KLRG1: variants seen among roughly 807,000 people sequenced by gnomAD.
KLRG1 encodes killer cell lectin like receptor G1.
KLRG1 carries 16 observed loss-of-function variants against 21.8 expected under a neutral mutation model. The observed-to-expected ratio is 0.73, with a 90% CI of 0.50 to 1.11. The LOEUF is 1.11. Ranked by LOEUF, KLRG1 falls within the 50% of genes most tolerant of loss-of-function variation. KLRG1 has a pLI of 0.00. For synonymous variants in KLRG1, 69 were observed against 75.9 expected, an observed-to-expected ratio of 0.91 and a Z score of 0.47; for missense variants, 173 against 218.3, an observed-to-expected ratio of 0.79 and a Z score of 1.31.
chr12:9,169,888 C>T, the KLRG1 span: 6 of 212,982 alleles, frequency 2.8e-5, no homozygotes, highest in Non-Finnish European at 4.6e-5. Context: ...AGAAAGAAGA[C>T]GTAACTTGCA....
chr12:9,097,856 C>T, the KLRG1 span, among the ~76,000 whole-genome samples: 1 of 152,200 alleles, frequency 6.6e-6, no homozygotes, highest in Non-Finnish European at 1.5e-5. Flanking sequence ...TGGTCTCAAA[C>T]TCCTGATCTC....
the KLRG1 span, among the ~76,000 whole-genome samples, chr12:9,215,024 AT>A: frequency 1.3e-4 from 19 of 151,944 alleles, no homozygotes; most frequent in Middle Eastern, 3.4e-3. Flanking sequence ...TATGATTTGA[AT>A]TTTTTTCCCT....
the KLRG1 span, chr12:9,192,542 T>C: frequency 6.2e-7 from 1 of 1,613,702 alleles, no homozygotes; most frequent in Non-Finnish European, 8.5e-7. Flanking sequence ...CCGATAACTC[T>C]CCCATGGCCT....
intron 3 of KLRG1, among the ~76,000 whole-genome samples, chr12:8,997,663 A>C (rs891255227): frequency 3.9e-5 from 6 of 152,202 alleles, no homozygotes; most frequent in Admixed American, 3.9e-4. Flanking sequence ...GTCATCTTTC[A>C]GTGAGATGCT....
At chr12:9,099,538 GA>G in the KLRG1 span, 15 of 1,601,048 alleles carry the variant, frequency 9.4e-6, no homozygotes, top group Middle Eastern at 1.6e-4. Context: ...GGCACAAAGA[GA>G]ATGAGAGGAA....
At chr12:8,983,520 C>T (rs909159638) in intron 1 of KLRG1, among the ~76,000 whole-genome samples, 1 of 149,654 alleles carries the variant, frequency 6.7e-6, no homozygotes, top group Non-Finnish European at 1.5e-5. Context: ...CCTGCTTCAG[C>T]CTCCAGAGTA....
the KLRG1 span, chr12:9,074,812 G>C: frequency 6.4e-7 from 1 of 1,565,582 alleles, no homozygotes; most frequent in African/African-American, 1.4e-5. Context: ...ATATTTATAA[G>C]TGCCTACATA....
At chr12:9,213,866 T>C in the KLRG1 span, among the ~76,000 whole-genome samples, 1 of 152,090 alleles carries the variant, frequency 6.6e-6, no homozygotes, top group Admixed American at 6.5e-5. Context: ...TTTTGGTTCA[T>C]TGTGCTTCTG....
the KLRG1 span, chr12:9,196,377 C>T: frequency 3.5e-5 from 57 of 1,613,758 alleles, no homozygotes; most frequent in East Asian, 4.9e-4. Context: ...TCCACTTTCA[C>T]GAATTTGAGT....
chr12:9,166,984 G>T, the KLRG1 span: 1 of 152,122 alleles, frequency 6.6e-6, no homozygotes, highest in East Asian at 1.9e-4. Context: ...TACTTACAAG[G>T]AAAAATATAT....
At chr12:9,093,891 T>TCAAACAAACAAA in the KLRG1 span, among the ~76,000 whole-genome samples, 41 of 150,904 alleles carry the variant, frequency 2.7e-4, no homozygotes, top group African/African-American at 8.6e-4. Flanking sequence ...AGACTTCGTC[T>TCAAACAAACAAA]CAAACAAACA....
chr12:8,961,199 T>C (rs1255057035), intron 1 of KLRG1, among the ~76,000 whole-genome samples: 1 of 152,204 alleles, frequency 6.6e-6, no homozygotes, highest in African/African-American at 2.4e-5. Flanking sequence ...TCATGTTGCT[T>C]GCTACACTGT....
At chr12:8,995,405 TG>T (rs1044540473) in intron 3 of KLRG1, 117 bp downstream of exon 3, 8 of 871,936 alleles carry the variant, frequency 9.2e-6, no homozygotes, top group East Asian at 5.4e-5. Flanking sequence ...ATCTGTGATT[TG>T]GGGGGGATAC....
chr12:9,020,833 A>G, the KLRG1 span, among the ~76,000 whole-genome samples: 117 of 152,328 alleles, frequency 7.7e-4, 3 homozygotes, highest in East Asian at 0.021. Flanking sequence ...GTATTAGTTG[A>G]AAACAAGGAT....
the KLRG1 span, among the ~76,000 whole-genome samples, chr12:9,021,971 A>C: frequency 6.6e-6 from 1 of 152,188 alleles, no homozygotes; most frequent in Non-Finnish European, 1.5e-5. Flanking sequence ...TTAAAAATAT[A>C]AGAAATAGCT....
chr12:9,171,267 A>G, the KLRG1 span, among the ~76,000 whole-genome samples: 4 of 152,198 alleles, frequency 2.6e-5, no homozygotes, highest in Admixed American at 2.6e-4. Flanking sequence ...CCTATGATAG[A>G]GTGGCTTGAC....
At chr12:9,073,032 T>C in the KLRG1 span, among the ~76,000 whole-genome samples, 2 of 152,236 alleles carry the variant, frequency 1.3e-5, no homozygotes, top group East Asian at 1.9e-4. Context: ...CTTTAGATAG[T>C]TGAAGAACCA....
At chr12:9,139,234 C>T in the KLRG1 span, among the ~76,000 whole-genome samples, 3 of 151,730 alleles carry the variant, frequency 2.0e-5, no homozygotes, top group African/African-American at 7.3e-5. Context: ...TTTTATTTTT[C>T]CAGTCTTCCT....
intron 1 of KLRG1, among the ~76,000 whole-genome samples, chr12:8,980,487 T>A (rs1444891806): frequency 6.6e-6 from 1 of 152,178 alleles, no homozygotes; most frequent in African/African-American, 2.4e-5. Context: ...CTTGCAGTGG[T>A]GTCAATGCGT....
Sources: gnomAD v4.1 joint callset for allele counts (sites outside exome capture counted in the v4.1 genomes callset) on GRCh38, gnomAD v4.1.1 for gene constraint, MANE v1.5 for transcripts, NCBI Gene and HGNC (gene_info 2026-07-23, HGNC 2026-07-21) for gene names.